PTPRD: variants seen among roughly 807,000 people sequenced by gnomAD.
PTPRD encodes receptor-type tyrosine-protein phosphatase delta.
A neutral mutation model predicts 214.5 loss-of-function variants in PTPRD; 34 were observed. The ratio of observed to expected loss-of-function variants is 0.16; its 90% CI spans 0.12 to 0.21. The LOEUF is 0.21. Ranked by LOEUF, PTPRD falls within the 10% of genes least tolerant of loss-of-function variation. PTPRD has a pLI of 1.00. For missense variants in PTPRD, 2,545 were observed against 2,398.7 expected (o/e 1.06, Z -1.27); for synonymous variants, 1,128 against 845.7 (o/e 1.33, Z -5.79).
intron 5 of PTPRD, among the ~76,000 whole-genome samples, chr9:9,864,510 T>G: frequency 6.6e-6 from 1 of 151,934 alleles, no homozygotes; most frequent in East Asian, 1.9e-4. Context: ...TTGTTGTTTG[T>G]TTTTACTTTT....
intron 5 of PTPRD, among the ~76,000 whole-genome samples, chr9:9,840,834 C>T (rs2058150671): frequency 7.2e-6 from 1 of 138,398 alleles, no homozygotes; most frequent in South Asian, 2.4e-4. Flanking sequence ...GGAATGCAAT[C>T]TATGTATGTA....
intron 11 of PTPRD, among the ~76,000 whole-genome samples, chr9:8,947,335 C>T (rs1247835679): frequency 4.0e-5 from 6 of 151,428 alleles, no homozygotes; most frequent in African/African-American, 1.2e-4. Flanking sequence ...TAGTGGTGTG[C>T]ACCTGTAGTC....
At chr9:9,211,851 G>T (rs2890859) in intron 9 of PTPRD, among the ~76,000 whole-genome samples, 16,320 of 151,606 alleles carry the variant, frequency 0.11, 1,116 homozygotes, top group Admixed American at 0.17. Flanking sequence ...TTTCAGCCAG[G>T]CTGAGTAACT....
At chr9:9,467,068 T>C (rs951365983) in intron 8 of PTPRD, among the ~76,000 whole-genome samples, 23 of 151,566 alleles carry the variant, frequency 1.5e-4, no homozygotes, top group African/African-American at 5.6e-4. Context: ...ATTTTGGTAA[T>C]GTATTTCTCA....
chr9:10,247,622 T>A (rs1272833403), intron 3 of PTPRD, among the ~76,000 whole-genome samples: 1 of 152,196 alleles, frequency 6.6e-6, no homozygotes, highest in Non-Finnish European at 1.5e-5. Flanking sequence ...GTCCCAACAT[T>A]ATTTTTGCAC....
chr9:8,791,521 G>C (rs542794015), intron 11 of PTPRD, among the ~76,000 whole-genome samples: 1 of 119,488 alleles, frequency 8.4e-6, no homozygotes, highest in Non-Finnish European at 1.7e-5. Context: ...ACCATGCCCA[G>C]ACTTTTTTTT....
At chr9:9,793,433 A>C (rs1335340296) in intron 5 of PTPRD, among the ~76,000 whole-genome samples, 2 of 152,148 alleles carry the variant, frequency 1.3e-5, no homozygotes, top group Non-Finnish European at 2.9e-5. Flanking sequence ...AAGTAAATGT[A>C]TTAAAATGCC....
rs371935818 is a variant in PTPRD at position 10,005,710 on chromosome 9, G to A, written c.-472+28008C>T. 9.2e-5 allele frequency among the ~76,000 whole-genome samples: 14 copies of A among 151,954 alleles called. No homozygotes were observed. The East Asian group carries it at 1.4e-3, about 15-fold the overall frequency. ...TGACACTATAAAACCTTCTGGAAAG[G>A]TACCTCGTAATATATATTGATAAAA... On this transcript the variant is annotated intron_variant, in intron 4 of 45. Transcript: ENST00000381196.
chr9:9,285,122 A>C (rs1467809108), intron 9 of PTPRD, among the ~76,000 whole-genome samples: 1 of 151,800 alleles, frequency 6.6e-6, no homozygotes, highest in African/African-American at 2.4e-5. Context: ...ATAGTTTTGA[A>C]TTCATTTCTT....
At chr9:9,308,197 C>G (rs1006259612) in intron 9 of PTPRD, among the ~76,000 whole-genome samples, 1 of 152,118 alleles carries the variant, frequency 6.6e-6, no homozygotes, top group Admixed American at 6.5e-5. Flanking sequence ...AAATACCTAC[C>G]TAATCCTCAG....
intron 3 of PTPRD, among the ~76,000 whole-genome samples, chr9:10,288,649 A>G (rs986507182): frequency 6.6e-6 from 1 of 152,202 alleles, no homozygotes; most frequent in African/African-American, 2.4e-5. Flanking sequence ...TATCCTATCT[A>G]ATTAAAGAAT....
intron 5 of PTPRD, among the ~76,000 whole-genome samples, chr9:9,930,032 C>A (rs952133069): frequency 6.6e-6 from 1 of 152,166 alleles, no homozygotes; most frequent in South Asian, 2.1e-4. Context: ...GGAAACAAAA[C>A]AAAACAAAAC....
chr9:8,458,631 A>G (rs1045952930), intron 33 of PTPRD, among the ~76,000 whole-genome samples: 2 of 152,112 alleles, frequency 1.3e-5, no homozygotes, highest in African/African-American at 4.8e-5. Flanking sequence ...ACAGACAGCA[A>G]AGGACACCAG....
chr9:9,695,313 T>C (rs2097352639), intron 7 of PTPRD, among the ~76,000 whole-genome samples: 1 of 152,140 alleles, frequency 6.6e-6, no homozygotes, highest in African/African-American at 2.4e-5. Flanking sequence ...TGAGCTGGTA[T>C]CCATGACATA....
At chr9:8,559,952 A>C (rs1470873036) in intron 14 of PTPRD, among the ~76,000 whole-genome samples, 4 of 152,172 alleles carry the variant, frequency 2.6e-5, no homozygotes, top group African/African-American at 9.7e-5. Context: ...ATCTCCAACA[A>C]AGTAATAGTG....
intron 11 of PTPRD, among the ~76,000 whole-genome samples, chr9:8,881,004 T>C (rs2098441392): frequency 1.3e-5 from 2 of 152,114 alleles, no homozygotes; most frequent in African/African-American, 4.8e-5. Flanking sequence ...TGAGGTGAAG[T>C]AATCCACCCA....
chr9:10,157,490 T>G lies in PTPRD; in HGVS notation c.-544-123700A>C, dbSNP rs1192827917. On this transcript the variant is annotated intron_variant, in intron 3 of 45. Coordinates refer to ENST00000381196, the MANE Select transcript of PTPRD (RefSeq NM_002839.4). ...CTCTTCTGGATAGTAGTGTCTCTGCTGAGAGGTCTGGTGTTAGTCTCACGG... is the reference window on the plus strand; with the variant it reads ...CTCTTCTGGATAGTAGTGTCTCTGCGGAGAGGTCTGGTGTTAGTCTCACGG... Among the ~76,000 whole-genome samples the G allele has an allele frequency of 2.6e-5, 4 of 152,198 alleles. No homozygotes were observed. In the East Asian group the frequency reaches 5.8e-4, roughly 22 times the overall value.
chr9:9,115,550 C>A (rs1342147638), intron 10 of PTPRD, among the ~76,000 whole-genome samples: 2 of 152,094 alleles, frequency 1.3e-5, no homozygotes, highest in African/African-American at 4.8e-5. Flanking sequence ...TTACTACAGC[C>A]TCTATGGAAA....
At chr9:9,288,981 C>T (rs1950338204) in intron 9 of PTPRD, among the ~76,000 whole-genome samples, 2 of 151,820 alleles carry the variant, frequency 1.3e-5, no homozygotes, top group African/African-American at 4.8e-5. Flanking sequence ...GCTCCCCAGC[C>T]CTGCCGAACT....
Sources: allele counts gnomAD v4.1 joint callset (sites outside exome capture counted in the v4.1 genomes callset), GRCh38; gene constraint gnomAD v4.1.1; transcripts MANE v1.5; gene names NCBI Gene and HGNC (gene_info 2026-07-23, HGNC 2026-07-21).